EPDR1: variants seen among roughly 807,000 people sequenced by gnomAD.
EPDR1 encodes mammalian ependymin-related protein 1.
A neutral mutation model predicts 23.7 loss-of-function variants in EPDR1; 27 were observed. That is an observed-to-expected ratio of 1.14 (90% CI 0.84 to 1.57). The LOEUF is 1.57. EPDR1 is among the 40% of genes most tolerant of loss of function. EPDR1 has a pLI of 0.00. For missense variants in EPDR1, 349 were observed against 290.4 expected (o/e 1.20, Z -1.47); for synonymous variants, 137 against 118.2 (o/e 1.16, Z -1.03).
chr7:37,949,270 C>T (rs1786347672), intron 2 of EPDR1, among the ~76,000 whole-genome samples: 2 of 152,196 alleles, frequency 1.3e-5, no homozygotes, highest in Admixed American at 1.3e-4. Flanking sequence ...CACCTCTCTG[C>T]CACTTTGGCT....
chr7:37,931,517 AT>A (rs1325356012), intron 1 of EPDR1, among the ~76,000 whole-genome samples: 2 of 147,504 alleles, frequency 1.4e-5, no homozygotes, highest in Non-Finnish European at 1.5e-5. Context: ...CCATAAAAAA[AT>A]AAATAAATAA....
chr7:37,948,940 C>T lies in EPDR1; in HGVS notation c.370C>T (p.Pro124Ser). ...GATGACCCTGACACAGCCCTGGGAT[C>T]CTCTTGACATTCCTCAAAACTCCAC... ...SKMTLTQPWD[P>S]LDIPQNSTFE... Residue 124 changes from proline (P) to serine (S), a missense_variant, in exon 2 of 3, where the codon CCT becomes TCT. Coordinates refer to ENST00000199448, the MANE Select transcript of EPDR1 (RefSeq NM_017549.5). 2 of 1,614,122 alleles carry T rather than the reference C, an allele frequency of 1.2e-6. No homozygotes were observed. The highest frequency in any genetic ancestry group is 1.7e-6 in the Non-Finnish European group (2 of 1,180,028).
At chr7:37,936,952 A>T (rs963572218) in intron 1 of EPDR1, among the ~76,000 whole-genome samples, 4 of 152,166 alleles carry the variant, frequency 2.6e-5, no homozygotes, top group African/African-American at 7.2e-5. Flanking sequence ...CAAACATAGG[A>T]AAACGTTGGA....
intron 1 of EPDR1, among the ~76,000 whole-genome samples, chr7:37,925,960 C>G (rs1187012896): frequency 6.6e-6 from 1 of 152,074 alleles, no homozygotes; most frequent in Non-Finnish European, 1.5e-5. Context: ...TTCATCTAAG[C>G]CTGTGCTTAT....
intron 1 of EPDR1, among the ~76,000 whole-genome samples, chr7:37,931,536 A>G (rs533407356): frequency 6.6e-6 from 1 of 151,820 alleles, no homozygotes; most frequent in Non-Finnish European, 1.5e-5. Flanking sequence ...TAAAAAAAAT[A>G]AAAAAAAGAG....
At chr7:37,922,682 G>A (rs978805755) in intron 1 of EPDR1, among the ~76,000 whole-genome samples, 4 of 150,598 alleles carry the variant, frequency 2.7e-5, no homozygotes, top group African/African-American at 7.4e-5. Flanking sequence ...GGGTTCTGAC[G>A]CCTATGGTAT....
intron 1 of EPDR1, among the ~76,000 whole-genome samples, chr7:37,946,582 A>C (rs1386827389): frequency 6.6e-6 from 1 of 152,242 alleles, no homozygotes; most frequent in Non-Finnish European, 1.5e-5. Flanking sequence ...CTTACATAAA[A>C]GGTAACTGTG....
rs565269055 is a variant in EPDR1 at position 37,920,838 on chromosome 7, C to G, written c.-102C>G. The G allele has an allele frequency of 6.2e-7, 1 of 1,610,272 alleles. No homozygotes were observed. The highest frequency in any genetic ancestry group is 1.3e-5 in the African/African-American group (1 of 74,828). ...AGCACTTTGGTCCAGACCACACTCC[C>G]GGCACAGTGCGGAAAGAGCCGGCGG... On this transcript the variant is annotated 5_prime_UTR_variant, in exon 1 of 3. Coordinates refer to ENST00000199448, the MANE Select transcript of EPDR1 (RefSeq NM_017549.5).
rs752175210 is a variant in EPDR1, at chr7:37,948,867, G to A, written c.297G>A (p.Lys99=). The change falls in exon 2 of 3, where the codon AAG becomes AAA. Residue 99 remains lysine (K), a synonymous_variant. Coordinates refer to ENST00000199448, the MANE Select transcript of EPDR1 (RefSeq NM_017549.5). ...KRLFEYILLY[K]DGVMFQIDQA... ...TATTTGAATATATTTTGCTGTATAA[G>A]GATGGAGTGATGTTTCAGATTGACC... 10 of 1,614,114 alleles carry A rather than the reference G, an allele frequency of 6.2e-6. No individual in the cohort carries two copies. In the South Asian group the frequency reaches 1.1e-4, roughly 18 times the overall value.
Position 37,948,931 on chromosome 7 carries a change from C to T in EPDR1, c.361C>T (p.Pro121Ser), listed in dbSNP as rs1786337478. 2 of 1,614,112 alleles carry T rather than the reference C, an allele frequency of 1.2e-6. No individual in the cohort carries two copies. Among genetic ancestry groups the T allele is most frequent in the Middle Eastern group, 1.6e-4 (1 of 6,062 alleles). The part of the protein sequence containing the change: ...KQCSKMTLTQ[P>S]WDPLDIPQNS... ...GTGCTCAAAGATGACCCTGACACAG[C>T]CCTGGGATCCTCTTGACATTCCTCA... is the stretch of plus-strand genomic sequence containing the variant. Residue 121 changes from proline to serine, a missense_variant, in exon 2 of 3, where the codon CCC becomes TCC. Coordinates refer to ENST00000199448, the MANE Select transcript of EPDR1 (RefSeq NM_017549.5).
chr7:37,927,411 C>T (rs1416180715), intron 1 of EPDR1, among the ~76,000 whole-genome samples: 2 of 152,066 alleles, frequency 1.3e-5, no homozygotes, highest in African/African-American at 2.4e-5. Flanking sequence ...ACTCCCTTCT[C>T]AGCCAGTGAG....
In EPDR1 at chr7:37,920,998, G is replaced by A; in HGVS notation, c.59G>A (p.Gly20Asp). Reference protein sequence around the residue: ...VPGALGAWLLGGLWAWTLCGL... With the variant: ...VPGALGAWLLDGLWAWTLCGL... ...GGCGCCCTGGGTGCCTGGCTGCTGG[G>A]CGGCCTCTGGGCCTGGACCCTGTGC... Residue 20 changes from glycine (G) to aspartate (D), a missense_variant, in exon 1 of 3, where the codon GGC becomes GAC. Coordinates refer to ENST00000199448, the MANE Select transcript of EPDR1 (RefSeq NM_017549.5). The A allele has an allele frequency of 6.5e-7, 1 of 1,530,908 alleles. No homozygotes were observed. The highest frequency in any genetic ancestry group is 8.7e-7 in the Non-Finnish European group (1 of 1,142,966). 94.8% of individuals were successfully genotyped at this position (1,530,908 alleles called of 1,614,324 possible).
At chr7:37,922,667 G>GGT (rs978858279) in intron 1 of EPDR1, among the ~76,000 whole-genome samples, 3 of 148,082 alleles carry the variant, frequency 2.0e-5, no homozygotes, top group African/African-American at 5.2e-5. Context: ...GAGGAAGCTA[G>GGT]GGGGGGGTTC....
intron 1 of EPDR1, among the ~76,000 whole-genome samples, chr7:37,930,342 C>A (rs1313442718): frequency 6.6e-6 from 1 of 152,238 alleles, no homozygotes; most frequent in East Asian, 1.9e-4. Context: ...AAGGGCACAG[C>A]TCTGCCTGAC....
chr7:37,927,884 C>T (rs1029399552), intron 1 of EPDR1, among the ~76,000 whole-genome samples: 1 of 152,140 alleles, frequency 6.6e-6, no homozygotes, highest in South Asian at 2.1e-4. Context: ...CTGCTTGTGG[C>T]CTCCTGATCC....
intron 1 of EPDR1, among the ~76,000 whole-genome samples, chr7:37,922,921 G>A (rs527293818): frequency 1.1e-4 from 16 of 152,304 alleles, no homozygotes; most frequent in Admixed American, 1.0e-3. Context: ...ATGAGAGTGA[G>A]TTCCAAAACA....
At chr7:37,926,910 A>G in intron 1 of EPDR1, 1 of 247,220 alleles carries the variant, frequency 4.0e-6, no homozygotes, top group Admixed American at 4.3e-5. Flanking sequence ...CAAGCCTTCT[A>G]ATTTTGTTCT....
chr7:37,934,916 G>A (rs547990293), intron 1 of EPDR1, among the ~76,000 whole-genome samples: 13 of 152,106 alleles, frequency 8.5e-5, no homozygotes, highest in African/African-American at 2.9e-4. Context: ...TTGCACTCCA[G>A]CCTGGGTGAC....
At chr7:37,942,746 C>A (rs1786193101) in intron 1 of EPDR1, among the ~76,000 whole-genome samples, 2 of 152,014 alleles carry the variant, frequency 1.3e-5, no homozygotes, top group African/African-American at 4.8e-5. Context: ...CCCTAGATTG[C>A]TTAATTTTTT....
Sources: gnomAD v4.1 joint callset for allele counts (sites outside exome capture counted in the v4.1 genomes callset) on GRCh38, gnomAD v4.1.1 for gene constraint, MANE v1.5 for transcripts, NCBI Gene and HGNC (gene_info 2026-07-23, HGNC 2026-07-21) for gene names.